Variants in PBX3 observed in about 807,000 individuals in gnomAD.
PBX3 encodes the protein PBX homeobox 3.
In PBX3, 14 loss-of-function variants were observed where a neutral mutation model predicts 48.5. That is an observed-to-expected ratio of 0.29 (90% CI 0.19 to 0.45). The LOEUF (loss-of-function observed/expected upper bound fraction) is 0.45, where lower values mean the gene tolerates loss of function less well. PBX3 is among the 20% of genes least tolerant of loss of function. The probability of loss-of-function intolerance (pLI) is 1.00; values close to 1 mark genes in which losing one functional copy is unlikely to be tolerated. For missense variants in PBX3, 386 were observed against 546.7 expected (o/e 0.71, Z 2.93); for synonymous variants, 210 against 200.3 (o/e 1.05, Z -0.41).
intron 2 of PBX3, among the ~76,000 whole-genome samples, chr9:125,873,725 A>C (rs942980422): frequency 2.0e-5 from 3 of 152,188 alleles, no homozygotes; most frequent in African/African-American, 7.2e-5. Context: ...AAATGTTTAC[A>C]TTATAAAGAT....
chr9:125,781,587 G>A (rs989973279), intron 2 of PBX3, among the ~76,000 whole-genome samples: 12 of 148,720 alleles, frequency 8.1e-5, no homozygotes, highest in African/African-American at 2.5e-4. Flanking sequence ...GGGGAGAGGC[G>A]AGAGGCGAGA....
chr9:125,752,427 A>G (rs970979874), intron 2 of PBX3, among the ~76,000 whole-genome samples: 1 of 152,218 alleles, frequency 6.6e-6, no homozygotes. Context: ...AAAGAGTCAT[A>G]AGAATTTTAG....
At chr9:125,811,523 C>T (rs1175319357) in intron 2 of PBX3, among the ~76,000 whole-genome samples, 2 of 152,194 alleles carry the variant, frequency 1.3e-5, no homozygotes, top group African/African-American at 2.4e-5. Flanking sequence ...CTGTCATTCT[C>T]TGTCTTGCTT....
chr9:125,844,088 A>T (rs1166636455), intron 2 of PBX3, among the ~76,000 whole-genome samples: 4 of 152,118 alleles, frequency 2.6e-5, no homozygotes, highest in Non-Finnish European at 5.9e-5. Context: ...ATTCTAGAAA[A>T]TGCAATTTCT....
At chr9:125,869,842 G>A (rs1330676622) in intron 2 of PBX3, among the ~76,000 whole-genome samples, 1 of 152,164 alleles carries the variant, frequency 6.6e-6, no homozygotes, top group African/African-American at 2.4e-5. Context: ...TTGTGGATGA[G>A]TATTGACCAT....
At chr9:125,865,632 AC>A (rs1193879580) in intron 2 of PBX3, among the ~76,000 whole-genome samples, 10 of 152,162 alleles carry the variant, frequency 6.6e-5, no homozygotes, top group African/African-American at 1.2e-4. Flanking sequence ...ATAAGGAAGA[AC>A]AGATCTGATT....
rs1011097015 is a variant in PBX3, at chr9:125,880,912, C to T, written c.275-34774C>T. On this transcript the variant is annotated intron_variant, in intron 2 of 8. Transcript: ENST00000373489. ...TAAAAAACTGTCTTATTGAATAGAA[C>T]TAGTTTTTTAAAAACAGAGTTATGC... is the stretch of plus-strand genomic sequence containing the variant. Among the ~76,000 whole-genome samples the T allele has an allele frequency of 3.7e-4, 57 of 152,062 alleles. 1 individual carries two copies. The highest frequency in any genetic ancestry group is 6.5e-5 in the Admixed American group (1 of 15,278).
At chr9:125,908,224 G>A (rs1841121311) in intron 2 of PBX3, among the ~76,000 whole-genome samples, 1 of 152,024 alleles carries the variant, frequency 6.6e-6, no homozygotes, top group African/African-American at 2.4e-5. Flanking sequence ...CTGGAAGATC[G>A]GTCTTCCAGA....
At position 125,935,362 on chromosome 9, in the gene PBX3, A is replaced by G. The variant is rs113293880; in HGVS notation, c.708-110A>G. ...TATCACAGAAATAAATTAGACCTTAAGGATGTTTAAAAAGAGAAATCTACT... is the reference window on the plus strand; with the variant it reads ...TATCACAGAAATAAATTAGACCTTAGGGATGTTTAAAAAGAGAAATCTACT... On this transcript the variant is annotated intron_variant, in intron 4 of 8. Coordinates refer to ENST00000373489, the MANE Select transcript of PBX3 (RefSeq NM_006195.6). The G allele has an allele frequency of 2.3e-3, 2,047 of 882,336 alleles. 29 individuals are homozygous for G. The African/African-American group carries it at 0.031, about 13-fold the overall frequency. The allele number at this position is 882,336 out of a possible 1,614,324, so 54.7% of individuals were successfully genotyped here.
intron 2 of PBX3, among the ~76,000 whole-genome samples, chr9:125,855,333 C>T (rs993888956): frequency 6.6e-6 from 1 of 151,792 alleles, no homozygotes; most frequent in Non-Finnish European, 1.5e-5. Context: ...TTTTCAGTTT[C>T]CTTATACCAA....
At chr9:125,938,735 T>G (rs1841892997) in intron 5 of PBX3, among the ~76,000 whole-genome samples, 1 of 152,184 alleles carries the variant, frequency 6.6e-6, no homozygotes, top group Non-Finnish European at 1.5e-5. Context: ...GCTAAAGAGA[T>G]AGGACAAGTA....
chr9:125,894,125 T>A (rs1840715037), intron 2 of PBX3, among the ~76,000 whole-genome samples: 1 of 152,030 alleles, frequency 6.6e-6, no homozygotes, highest in South Asian at 2.1e-4. Flanking sequence ...TTACAGAAAC[T>A]ATTTTTTGTT....
chr9:125,823,801 C>T (rs1039641156), intron 2 of PBX3, among the ~76,000 whole-genome samples: 4 of 152,058 alleles, frequency 2.6e-5, no homozygotes, highest in Non-Finnish European at 4.4e-5. Flanking sequence ...CTAGGCTGGG[C>T]GCGGTGGCTC....
At chr9:125,768,159 CTG>C (rs1836850141) in intron 2 of PBX3, among the ~76,000 whole-genome samples, 4 of 151,904 alleles carry the variant, frequency 2.6e-5, no homozygotes, top group Admixed American at 2.6e-4. Flanking sequence ...TTTTTGGTAA[CTG>C]TTTTGTTATT....
rs907621787 is a variant in PBX3 at position 125,759,672 on chromosome 9, G to C, written c.274+11049G>C. ...AAGTGTTTTTGTGGCCCTCTCATCC[G>C]TAGCTAGGAGCAGTTTGTGGACCGC... On this transcript the variant is annotated intron_variant, in intron 2 of 8. Coordinates refer to ENST00000373489, the MANE Select transcript of PBX3 (RefSeq NM_006195.6). The surrounding 1 kb of genome is among the most constrained non-coding windows in gnomAD (Gnocchi z 4.2). Among the ~76,000 whole-genome samples, 1 of 152,212 alleles carries C rather than the reference G, an allele frequency of 6.6e-6. No homozygotes were observed. The highest frequency in any genetic ancestry group is 1.5e-5 in the Non-Finnish European group (1 of 68,042).
intron 2 of PBX3, among the ~76,000 whole-genome samples, chr9:125,882,627 T>C (rs1840408306): frequency 6.6e-6 from 1 of 152,254 alleles, no homozygotes; most frequent in East Asian, 1.9e-4. Flanking sequence ...AAGGAGTTTA[T>C]TCTTTCCTCT....
chr9:125,877,633 C>T (rs1840287577), intron 2 of PBX3, among the ~76,000 whole-genome samples: 1 of 152,100 alleles, frequency 6.6e-6, no homozygotes, highest in Admixed American at 6.6e-5. Context: ...TCAATATAGT[C>T]TTTTATTCTC....
intron 2 of PBX3, among the ~76,000 whole-genome samples, chr9:125,849,782 C>G (rs921079491): frequency 1.3e-5 from 2 of 152,008 alleles, no homozygotes; most frequent in Middle Eastern, 3.4e-3. Flanking sequence ...TTTCAATCAT[C>G]AGATTATTAA....
intron 2 of PBX3, among the ~76,000 whole-genome samples, chr9:125,911,774 A>G (rs1298180602): frequency 6.6e-6 from 1 of 152,172 alleles, no homozygotes; most frequent in Non-Finnish European, 1.5e-5. Context: ...AAAAAAAATC[A>G]AACAACTCAA....
Sources: gnomAD v4.1 joint callset for allele counts (sites outside exome capture counted in the v4.1 genomes callset) on GRCh38, gnomAD v4.1.1 for gene constraint, Gnocchi (gnomAD v3.1) non-coding constraint, MANE v1.5 for transcripts, NCBI Gene and HGNC (gene_info 2026-07-23, HGNC 2026-07-21) for gene names.